The following EEA1 variants were observed in gnomAD, a reference collection of about 807,000 sequenced individuals.
EEA1 encodes early endosome antigen 1.
A neutral mutation model predicts 209.2 loss-of-function variants in EEA1; 111 were observed. The ratio of observed to expected loss-of-function variants is 0.53; its 90% CI spans 0.45 to 0.62. The LOEUF (loss-of-function observed/expected upper bound fraction) is 0.62. Ranked by LOEUF, EEA1 falls within the 20% of genes least tolerant of loss-of-function variation. The pLI is 0.00. For synonymous variants in EEA1, 536 were observed against 540.6 expected (o/e 0.99, Z 0.12); for missense variants, 1,343 against 1,530.8 (o/e 0.88, Z 2.05).
In EEA1 at chr12:92,901,459, T is replaced by A. The variant is rs566432427; in HGVS notation, c.25-9738A>T. 2.6e-5 allele frequency among the ~76,000 whole-genome samples: 4 copies of A among 152,270 alleles called. No individual in the cohort carries two copies. In the South Asian group the frequency reaches 8.3e-4, roughly 32 times the overall value. ...ATACCTAAGTAAAGCCCAAGAGGCATGGGGAGTAAACAGAGAAAAAAACAA... is the reference window on the plus strand; with the variant it reads ...ATACCTAAGTAAAGCCCAAGAGGCAAGGGGAGTAAACAGAGAAAAAAACAA... On this transcript the variant is annotated intron_variant, in intron 1 of 28. Coordinates refer to ENST00000322349, the MANE Select transcript of EEA1 (RefSeq NM_003566.4).
chr12:92,885,775 G>A (rs986581517), intron 2 of EEA1, among the ~76,000 whole-genome samples: 3 of 152,190 alleles, frequency 2.0e-5, no homozygotes, highest in Non-Finnish European at 2.9e-5. Flanking sequence ...TGTCTCAGAG[G>A]TGGCAGAGGT....
At chr12:92,777,122 T>A (rs1386402114) in intron 27 of EEA1, among the ~76,000 whole-genome samples, 180 bp from the exon 28 acceptor site, 1 of 151,986 alleles carries the variant, frequency 6.6e-6, no homozygotes, top group Non-Finnish European at 1.5e-5. Flanking sequence ...TACTCATAAA[T>A]CTGAATGACA....
At chr12:92,806,823 ATCAATGTAACTGACCATATT>A (rs1176718604) in intron 18 of EEA1, among the ~76,000 whole-genome samples, 11 of 152,274 alleles carry the variant, frequency 7.2e-5, no homozygotes, top group Non-Finnish European at 1.0e-4. Context: ...CAGTAAATCA[ATCAATGTAACTGACCATATT>A]AACAGAATAA....
At chr12:92,863,068 A>G (rs1248599705) in intron 3 of EEA1, among the ~76,000 whole-genome samples, 2 of 152,244 alleles carry the variant, frequency 1.3e-5, no homozygotes, top group Admixed American at 1.3e-4. Flanking sequence ...CCCTAGGTAG[A>G]TCATACAGAG....
intron 1 of EEA1, among the ~76,000 whole-genome samples, chr12:92,906,030 C>G (rs1880372195): frequency 2.0e-5 from 3 of 151,900 alleles, no homozygotes; most frequent in Non-Finnish European, 4.4e-5. Flanking sequence ...CCTCAGCCTA[C>G]TGAGTAGCTA....
At chr12:92,776,242 G>T in intron 28 of EEA1, 109 bp from the exon 29 acceptor site, 1 of 1,013,806 alleles carries the variant, frequency 9.9e-7, no homozygotes, top group Non-Finnish European at 1.4e-6. Flanking sequence ...TAGCTTTCAA[G>T]TCATTGGTAT....
At chr12:92,909,062 G>A (rs185641815) in intron 1 of EEA1, among the ~76,000 whole-genome samples, 2 of 152,196 alleles carry the variant, frequency 1.3e-5, no homozygotes, top group East Asian at 1.9e-4. Flanking sequence ...TGCCTGCCTC[G>A]GCCTCCCAAA....
intron 21 of EEA1, among the ~76,000 whole-genome samples, chr12:92,798,007 G>A (rs1361682223): frequency 1.3e-5 from 2 of 152,100 alleles, no homozygotes; most frequent in Non-Finnish European, 2.9e-5. Context: ...CATACTAACA[G>A]TAGAGAAGGA....
intron 2 of EEA1, among the ~76,000 whole-genome samples, chr12:92,875,689 C>T (rs1043252466): frequency 6.6e-6 from 1 of 152,082 alleles, no homozygotes; most frequent in African/African-American, 2.4e-5. Context: ...TAAAATTATC[C>T]GATAGCTTTC....
At chr12:92,876,118 C>T (rs1408539072) in intron 2 of EEA1, among the ~76,000 whole-genome samples, 4 of 152,144 alleles carry the variant, frequency 2.6e-5, no homozygotes, top group Non-Finnish European at 5.9e-5. Context: ...ATCATCCCAG[C>T]TGGAATGCAG....
At chr12:92,779,663 G>A (rs1215837291) in intron 24 of EEA1, among the ~76,000 whole-genome samples, 1 of 151,934 alleles carries the variant, frequency 6.6e-6, no homozygotes, top group Non-Finnish European at 1.5e-5. Flanking sequence ...CACATTCCCT[G>A]ATTTAAGGAA....
intron 2 of EEA1, 86 bp downstream of exon 2, chr12:92,891,543 C>A (rs1459769994): frequency 1.9e-6 from 2 of 1,046,682 alleles, no homozygotes; most frequent in Non-Finnish European, 2.8e-6. Flanking sequence ...GAGAACTTTT[C>A]CTATACAAAT....
chr12:92,914,694 C>T (rs1371727796), intron 1 of EEA1, among the ~76,000 whole-genome samples: 5 of 150,422 alleles, frequency 3.3e-5, no homozygotes, highest in Non-Finnish European at 5.9e-5. Context: ...GAAGGAGTCT[C>T]GCTCTGTAAC....
intron 11 of EEA1, among the ~76,000 whole-genome samples, chr12:92,831,507 TATGA>T (rs1444342847): frequency 4.7e-5 from 7 of 148,206 alleles, no homozygotes; most frequent in Non-Finnish European, 1.0e-4. Flanking sequence ...TAATATATGA[TATGA>T]ATAATATATG....
rs546668948 is a variant in EEA1, at chr12:92,928,705, A to G, written c.24+338T>C. ...GCGGCGGCTGGCCCGTCCCACGGGC[A>G]CCAACTCTCCATTTTCACTCCCACT... On this transcript the variant is annotated intron_variant, in intron 1 of 28. Transcript: ENST00000322349. 1.6e-4 allele frequency among the ~76,000 whole-genome samples: 25 copies of G among 152,160 alleles called. No homozygotes were observed. In the South Asian group the frequency reaches 5.2e-3, roughly 32 times the overall value.
intron 21 of EEA1, among the ~76,000 whole-genome samples, chr12:92,794,670 A>C (rs554815397): frequency 6.6e-6 from 1 of 151,824 alleles, no homozygotes; most frequent in Non-Finnish European, 1.5e-5. Flanking sequence ...TCATAGGTGG[A>C]AAGTGAACAA....
intron 22 of EEA1, among the ~76,000 whole-genome samples, chr12:92,782,831 G>A (rs1006220581): frequency 6.6e-6 from 1 of 152,094 alleles, no homozygotes; most frequent in Non-Finnish European, 1.5e-5. Flanking sequence ...TGAGTCTTAA[G>A]ACTCTTCCCT....
chr12:92,875,771 G>A (rs555629394), intron 2 of EEA1, among the ~76,000 whole-genome samples: 7 of 152,214 alleles, frequency 4.6e-5, no homozygotes, highest in African/African-American at 1.7e-4. Flanking sequence ...AGACCCGATC[G>A]CTGACCCAAT....
In EEA1 at chr12:92,929,204, G is replaced by A. The variant is rs1054821703; in HGVS notation, c.-138C>T. ...AGGTCGGGGCGAGGCGGTGGCGACG[G>A]CCGCTCGGGCGGCCCCGACTTCCCC... On this transcript the variant is annotated 5_prime_UTR_variant, in exon 1 of 29. Transcript: ENST00000322349. The A allele has an allele frequency of 9.8e-6, 8 of 817,176 alleles. No homozygotes were observed. The highest frequency in any genetic ancestry group is 3.3e-5 in the Admixed American group (1 of 29,958). The allele number at this position is 817,176 out of a possible 1,614,324, so 50.6% of individuals were successfully genotyped here.
Sources: allele counts gnomAD v4.1 joint callset (sites outside exome capture counted in the v4.1 genomes callset), GRCh38; gene constraint gnomAD v4.1.1; transcripts MANE v1.5; gene names NCBI Gene and HGNC (gene_info 2026-07-23, HGNC 2026-07-21).